Variants in ZFHX3 observed in about 807,000 individuals in gnomAD.
ZFHX3 encodes zinc finger homeobox 3, also known as zinc finger homeobox protein 3.
Under a neutral mutation model 279.1 loss-of-function variants are expected in ZFHX3, and 42 were observed. The ratio of observed to expected loss-of-function variants is 0.15; its 90% CI spans 0.12 to 0.19. The LOEUF is 0.19. ZFHX3 is among the 10% of genes least tolerant of loss of function. The pLI is 1.00. For synonymous variants in ZFHX3, 2,293 were observed against 1,957.8 expected, an observed-to-expected ratio of 1.17 and a Z score of -4.52; for missense variants, 4,981 against 4,754.0, an observed-to-expected ratio of 1.05 and a Z score of -1.40.
At chr16:73,002,231 T>C (rs1280863534) in intron 1 of ZFHX3, among the ~76,000 whole-genome samples, 1 of 152,172 alleles carries the variant, frequency 6.6e-6, no homozygotes, top group Non-Finnish European at 1.5e-5. Flanking sequence ...TACTCAAACA[T>C]GCTGAACAAG....
At chr16:73,802,288 G>A (rs182102346) in intron 1 of ZFHX3, among the ~76,000 whole-genome samples, 79 of 152,290 alleles carry the variant, frequency 5.2e-4, no homozygotes, top group Non-Finnish European at 7.5e-4. Context: ...GTGACAAAGC[G>A]AAGGCCATCA....
At chr16:73,797,735 G>A (rs78073378) in intron 1 of ZFHX3, among the ~76,000 whole-genome samples, 5,452 of 150,564 alleles carry the variant, frequency 0.036, 160 homozygotes, top group African/African-American at 0.081. Context: ...CAGTTTCTTC[G>A]TCTAAAAATT....
Position 72,959,225 on chromosome 16 carries a change from C to T in ZFHX3, c.921G>A (p.Met307Ile), listed in dbSNP as rs370836574. The T allele has an allele frequency of 7.4e-5, 120 of 1,614,072 alleles. No homozygotes were observed. The highest frequency in any genetic ancestry group is 9.7e-5 in the Non-Finnish European group (114 of 1,180,060). The change falls in exon 2 of 10, where the codon ATG (methionine) becomes ATA (isoleucine). Residue 307 changes from methionine (M) to isoleucine (I), a missense_variant. Met to Ile is a conservative substitution (Grantham distance 10). Coordinates refer to ENST00000268489, the MANE Select transcript of ZFHX3 (RefSeq NM_006885.4). ...TTTTCCGCTCGTCTTCGCTCAGGGT[C>T]ATTCGATGGTCATGCACCGCGTGGG... The part of the protein sequence containing the change: ...FVTHAVHDHR[M>I]TLSEDERKIL...
At chr16:73,711,270 C>A (rs562966957) in intron 1 of ZFHX3, among the ~76,000 whole-genome samples, 5 of 151,998 alleles carry the variant, frequency 3.3e-5, no homozygotes, top group African/African-American at 1.2e-4. Flanking sequence ...CAAAAAAAAA[C>A]CATCCCGTGA....
At chr16:73,010,673 T>G (rs1394838047) in intron 1 of ZFHX3, among the ~76,000 whole-genome samples, 3 of 152,162 alleles carry the variant, frequency 2.0e-5, no homozygotes, top group Non-Finnish European at 4.4e-5. Context: ...AAGTCTCCAC[T>G]CTGCCTGATG....
At chr16:73,444,811 G>T (rs1343869109) in intron 3 of ZFHX3, among the ~76,000 whole-genome samples, 1 of 152,092 alleles carries the variant, frequency 6.6e-6, no homozygotes, top group Non-Finnish European at 1.5e-5. Flanking sequence ...CCTGACCTGT[G>T]CTCACCTCTT....
rs775981326 is a variant in ZFHX3 at position 72,795,113 on chromosome 16, T to A, written c.7569A>T (p.Leu2523=). 4 of 1,612,794 alleles carry A rather than the reference T, an allele frequency of 2.5e-6. No individual in the cohort carries two copies. The East Asian group carries it at 8.9e-5, about 36-fold the overall frequency. ...ACTGGTAGGGGATTAGCTGAGGAGG[T>A]AGGTTTGCGAGCTGTTGAGGAGTTG... The part of the protein sequence containing the change: ...HTSTPQQLAN[L]PPQLIPYQCD... The change falls in exon 9 of 10, where the codon CTA becomes CTT. Residue 2523 remains leucine, a synonymous_variant. Transcript: ENST00000268489.
intron 1 of ZFHX3, among the ~76,000 whole-genome samples, chr16:73,820,755 G>A (rs189466332): frequency 1.4e-4 from 22 of 151,884 alleles, no homozygotes; most frequent in South Asian, 4.2e-4. Flanking sequence ...ATATGTAACT[G>A]GAACACCAAC....
chr16:73,535,586 T>C (rs1376737678), intron 2 of ZFHX3, among the ~76,000 whole-genome samples: 1 of 152,200 alleles, frequency 6.6e-6, no homozygotes, highest in African/African-American at 2.4e-5. Context: ...AAGAGTCTAC[T>C]GAGAGAATAA....
chr16:73,496,801 G>T (rs570901450), intron 2 of ZFHX3, among the ~76,000 whole-genome samples: 2 of 152,278 alleles, frequency 1.3e-5, no homozygotes, highest in Admixed American at 6.5e-5. Context: ...GGAGGAGTCT[G>T]GGGGGTGGGA....
intron 2 of ZFHX3, among the ~76,000 whole-genome samples, chr16:73,654,787 A>C (rs1473270507): frequency 4.6e-5 from 7 of 151,458 alleles, no homozygotes; most frequent in African/African-American, 1.7e-4. Flanking sequence ...ATAGCTTAGC[A>C]AACTAGAAAT....
chr16:73,416,145 A>C (rs1326314691), intron 3 of ZFHX3, among the ~76,000 whole-genome samples: 10 of 149,532 alleles, frequency 6.7e-5, no homozygotes, highest in Non-Finnish European at 1.2e-4. Flanking sequence ...AAAACAAAAA[A>C]CGGAAAACAA....
intron 3 of ZFHX3, among the ~76,000 whole-genome samples, chr16:73,399,602 C>T (rs908283250): frequency 5.9e-5 from 9 of 152,146 alleles, no homozygotes; most frequent in African/African-American, 2.4e-5. Context: ...TGACATGCTA[C>T]GGTGCACTGG....
intron 7 of ZFHX3, among the ~76,000 whole-genome samples, chr16:73,114,897 A>C (rs1036182979): frequency 1.3e-5 from 2 of 151,946 alleles, no homozygotes; most frequent in Non-Finnish European, 2.9e-5. Flanking sequence ...GGCTCAAGAA[A>C]TCCTCCCACC....
At chr16:73,709,346 C>G (rs2053334940) in intron 1 of ZFHX3, among the ~76,000 whole-genome samples, 1 of 145,170 alleles carries the variant, frequency 6.9e-6, no homozygotes, top group African/African-American at 2.6e-5. Context: ...GGCTGTGTGA[C>G]AGAGAGAGAG....
At chr16:72,792,734 A>G (rs1432221625) in intron 9 of ZFHX3, among the ~76,000 whole-genome samples, 2 of 152,104 alleles carry the variant, frequency 1.3e-5, no homozygotes, top group African/African-American at 4.8e-5. Context: ...ACAGGCATGA[A>G]CCACTGCACC....
intron 7 of ZFHX3, chr16:73,127,235 A>G: frequency 1.2e-6 from 1 of 824,810 alleles, no homozygotes; most frequent in Non-Finnish European, 1.7e-6. Flanking sequence ...CACAGCGGTT[A>G]GTATCGATCA....
intron 1 of ZFHX3, among the ~76,000 whole-genome samples, chr16:73,012,235 A>G (rs1963941649): frequency 6.6e-6 from 1 of 151,352 alleles, no homozygotes; most frequent in Admixed American, 6.6e-5. Flanking sequence ...ATTCAGCTCC[A>G]CAGCGCCTCT....
rs758288734 is a variant in ZFHX3, at chr16:72,784,509, GAC to G, written c.*2653_*2654del. On this transcript the variant is annotated 3_prime_UTR_variant, in exon 10 of 10. Transcript: ENST00000268489. Reference sequence around the variant, plus strand: ...AACAATTTTTTTTCTATATGGTACAGACACAGAGTAACATACAACAGTTAAAT... The same window carrying G: ...AACAATTTTTTTTCTATATGGTACAGACAGAGTAACATACAACAGTTAAAT... The G allele has an allele frequency of 4.0e-5, 6 of 151,880 alleles. No homozygotes were observed. Among genetic ancestry groups the G allele is most frequent in the African/African-American group, 1.5e-4 (6 of 41,266 alleles). 9.4% of individuals were successfully genotyped at this position (151,880 alleles called of 1,614,324 possible). A position where few individuals can be genotyped will look rare whatever the true frequency, so the allele number is the denominator to read the frequency against.
Sources: allele counts gnomAD v4.1 joint callset (sites outside exome capture counted in the v4.1 genomes callset), GRCh38; gene constraint gnomAD v4.1.1; transcripts MANE v1.5; gene names NCBI Gene and HGNC (gene_info 2026-07-23, HGNC 2026-07-21).